Variants in STK32C observed in about 807,000 individuals in gnomAD.
STK32C encodes serine/threonine-protein kinase 32C.
STK32C carries 31 observed loss-of-function variants against 56.5 expected under a neutral mutation model. That is an observed-to-expected ratio of 0.55 (90% confidence interval 0.41 to 0.74). The LOEUF is 0.74. Ranked by LOEUF, STK32C falls within the 30% of genes least tolerant of loss-of-function variation. The probability of loss-of-function intolerance (pLI) is 0.00; values close to 1 mark genes in which losing one functional copy is unlikely to be tolerated. For synonymous variants in STK32C, 309 were observed against 289.4 expected (o/e 1.07, Z -0.69); for missense variants, 544 against 676.9 (o/e 0.80, Z 2.18).
At chr10:132,221,612 T>C (rs1416377802) in intron 10 of STK32C, among the ~76,000 whole-genome samples, 1 of 139,338 alleles carries the variant, frequency 7.2e-6, no homozygotes. Context: ...TGTGAGGGCT[T>C]CAGATGGCCG....
intron 1 of STK32C, among the ~76,000 whole-genome samples, chr10:132,299,001 A>C (rs1016655881): frequency 2.6e-5 from 4 of 152,192 alleles, no homozygotes; most frequent in Non-Finnish European, 4.4e-5. Flanking sequence ...ATGGATAGCT[A>C]ATCTACTAGC....
rs535352389 is a variant in STK32C at position 132,281,867 on chromosome 10, G to A, written c.262+25705C>T. ...GAGGCCGCGGGGCAACTTCTCTGAC[G>A]ATGGCTATTTCAGCCCAACCAGGAT... On this transcript the variant is annotated intron_variant, in intron 1 of 11. Transcript: ENST00000298630. 6.6e-5 allele frequency among the ~76,000 whole-genome samples: 10 copies of A among 152,148 alleles called. 1 individual carries two copies. The South Asian group carries it at 1.0e-3, about 16-fold the overall frequency.
At chr10:132,330,058 TA>T (rs1206109974) in intron 1 of STK32C, among the ~76,000 whole-genome samples, 5 of 152,108 alleles carry the variant, frequency 3.3e-5, no homozygotes, top group Non-Finnish European at 7.3e-5. Context: ...AGCCACTCAA[TA>T]ATCAGATCAA....
At chr10:132,258,346 C>CA (rs1333088541) in intron 1 of STK32C, among the ~76,000 whole-genome samples, 1 of 152,252 alleles carries the variant, frequency 6.6e-6, no homozygotes, top group East Asian at 1.9e-4. Flanking sequence ...CCCAAACCAT[C>CA]AACAGCACTC....
At chr10:132,273,606 A>AGGAGTTACTGAATGAGT (rs893054934) in intron 1 of STK32C, among the ~76,000 whole-genome samples, 4 of 152,210 alleles carry the variant, frequency 2.6e-5, no homozygotes, top group African/African-American at 7.2e-5. Context: ...GAATGAGTGA[A>AGGAGTTACTGAATGAGT]GGAGTTACTG....
intron 3 of STK32C, 95 bp downstream of exon 3, chr10:132,227,882 A>G: frequency 6.8e-7 from 1 of 1,481,028 alleles, no homozygotes; most frequent in Non-Finnish European, 9.1e-7. Flanking sequence ...CCGAGGCACG[A>G]GGGCCAAGGA....
downstream of STK32C, among the ~76,000 whole-genome samples, chr10:132,320,702 G>A (rs954570882): frequency 1.1e-4 from 16 of 152,310 alleles, no homozygotes; most frequent in African/African-American, 2.6e-4. Context: ...TGTGCGCCAC[G>A]TTGAGGCCTG....
At chr10:132,318,249 CAGA>C (rs1392331390) in intron 1 of STK32C, among the ~76,000 whole-genome samples, 3 of 150,790 alleles carry the variant, frequency 2.0e-5, no homozygotes, top group African/African-American at 7.3e-5. Context: ...GCCTGGGCGA[CAGA>C]AGGAGACTAT....
intron 1 of STK32C, among the ~76,000 whole-genome samples, chr10:132,298,686 T>C (rs2065828733): frequency 6.6e-6 from 1 of 151,652 alleles, no homozygotes; most frequent in South Asian, 2.1e-4. Context: ...GCGCCGTGTG[T>C]GGGGTCACTG....
At chr10:132,215,181 G>A (rs1350296633) in intron 10 of STK32C, among the ~76,000 whole-genome samples, 1 of 152,082 alleles carries the variant, frequency 6.6e-6, no homozygotes, top group African/African-American at 2.4e-5. Context: ...ACCACACCCA[G>A]ATAATTTTTT....
intron 2 of STK32C, among the ~76,000 whole-genome samples, chr10:132,240,105 C>G (rs113876480): frequency 0.015 from 2,251 of 152,192 alleles, 52 homozygotes; most frequent in South Asian, 0.13. Flanking sequence ...GGAAGCCCCC[C>G]CAGGGCAGAG....
At chr10:132,269,180 CGT>C (rs560544262) in intron 1 of STK32C, among the ~76,000 whole-genome samples, 7 of 147,934 alleles carry the variant, frequency 4.7e-5, no homozygotes, top group African/African-American at 1.5e-4. Flanking sequence ...TGTGTCACAT[CGT>C]GTGTGTGTCT....
At chr10:132,327,124 G>A (rs1213184698) in intron 1 of STK32C, among the ~76,000 whole-genome samples, 2 of 152,216 alleles carry the variant, frequency 1.3e-5, no homozygotes, top group South Asian at 2.1e-4. Flanking sequence ...CTCACGTGCT[G>A]TGGGAGGGAC....
intron 2 of STK32C, among the ~76,000 whole-genome samples, chr10:132,240,715 A>G (rs927383791): frequency 2.0e-5 from 3 of 151,760 alleles, no homozygotes; most frequent in Non-Finnish European, 4.4e-5. Context: ...TCCCTCGGAC[A>G]GGGGGATGGC....
At chr10:132,231,398 C>T (rs1226406864) in intron 2 of STK32C, among the ~76,000 whole-genome samples, 1 of 152,230 alleles carries the variant, frequency 6.6e-6, no homozygotes, top group East Asian at 1.9e-4. Flanking sequence ...TCAGGTCTCC[C>T]GAGTCTTTGG....
chr10:132,251,396 G>A (rs1223367263), intron 1 of STK32C, among the ~76,000 whole-genome samples: 4 of 152,198 alleles, frequency 2.6e-5, no homozygotes, highest in Non-Finnish European at 5.9e-5. Context: ...GGTGTGCAAA[G>A]GGTTGGGGTC....
intron 1 of STK32C, among the ~76,000 whole-genome samples, chr10:132,256,839 C>T (rs533374960): frequency 2.0e-5 from 3 of 152,328 alleles, no homozygotes; most frequent in African/African-American, 7.2e-5. Flanking sequence ...GCTTGGGGAC[C>T]CCGGAGCTGC....
intron 2 of STK32C, among the ~76,000 whole-genome samples, chr10:132,231,921 G>A (rs140553589): frequency 1.9e-4 from 29 of 152,370 alleles, no homozygotes; most frequent in African/African-American, 6.7e-4. Context: ...CACCCTGCCA[G>A]GTCTCAGGCT....
chr10:132,322,420 T>C (rs768845549), downstream of STK32C, among the ~76,000 whole-genome samples: 2 of 152,228 alleles, frequency 1.3e-5, no homozygotes, highest in Non-Finnish European at 2.9e-5. Context: ...AACAGGATTA[T>C]TTCTAGTATA....
Sources: gnomAD v4.1 joint callset for allele counts (sites outside exome capture counted in the v4.1 genomes callset) on GRCh38, gnomAD v4.1.1 for gene constraint, MANE v1.5 for transcripts, NCBI Gene and HGNC (gene_info 2026-07-23, HGNC 2026-07-21) for gene names.